Variants in SHTN1 observed in about 807,000 individuals in gnomAD.
SHTN1 encodes shootin-1.
Under a neutral mutation model 83.1 loss-of-function variants are expected in SHTN1, and 42 were observed. That is an observed-to-expected ratio of 0.51 (90% confidence interval 0.39 to 0.65). The LOEUF (loss-of-function observed/expected upper bound fraction) is 0.65, where lower values mean the gene tolerates loss of function less well. SHTN1 is among the 30% of genes least tolerant of loss of function. SHTN1 has a pLI of 0.00. For missense variants in SHTN1, 622 were observed against 737.8 expected (o/e 0.84, Z 1.82); for synonymous variants, 224 against 247.7 (o/e 0.90, Z 0.90).
Position 116,885,122 on chromosome 10 carries a change from A to C in SHTN1, c.*1222T>G, listed in dbSNP as rs1403556452. The C allele has an allele frequency of 6.6e-6, 1 of 152,628 alleles. No individual in the cohort carries two copies. The highest frequency in any genetic ancestry group is 3.2e-3 in the Middle Eastern group (1 of 316). The allele number at this position is 152,628 out of a possible 1,614,324, so 9.5% of individuals were successfully genotyped here. A position where few individuals can be genotyped will look rare whatever the true frequency, so the allele number is the denominator to read the frequency against. On this transcript the variant is annotated 3_prime_UTR_variant, in exon 17 of 17. Transcript: ENST00000355371. ...AGCCTATGCTTACCACACGTGCAAA[A>C]ATACAATACAATACAACTACTGCAA... is the stretch of plus-strand genomic sequence containing the variant.
chr10:117,115,199 G>A (rs910857340), intron 1 of SHTN1, among the ~76,000 whole-genome samples: 2 of 152,146 alleles, frequency 1.3e-5, no homozygotes, highest in Non-Finnish European at 2.9e-5. Flanking sequence ...TCCAGTATGG[G>A]CTCTGAAGTC....
At position 116,965,179 on chromosome 10, in the gene SHTN1, G is replaced by A. The variant is rs566047517; in HGVS notation, c.172+3473C>T. ...AGTATGCTAAGCTAGGGAGAGTAGA[G>A]CCCTATGGCCAAACAAAGCTTTTCC... On this transcript the variant is annotated intron_variant, in intron 3 of 16. Coordinates refer to ENST00000355371, the MANE Select transcript of SHTN1 (RefSeq NM_001127211.3). 1.5e-4 allele frequency among the ~76,000 whole-genome samples: 23 copies of A among 152,250 alleles called. No homozygotes were observed. The East Asian group carries it at 3.3e-3, about 22-fold the overall frequency.
At chr10:117,013,519 C>T (rs746193632) in intron 2 of SHTN1, among the ~76,000 whole-genome samples, 1 of 152,072 alleles carries the variant, frequency 6.6e-6, no homozygotes, top group Non-Finnish European at 1.5e-5. Flanking sequence ...AAAAGATGCT[C>T]AACATTATTT....
intron 9 of SHTN1, among the ~76,000 whole-genome samples, chr10:116,934,004 T>C (rs1486321157): frequency 6.6e-6 from 1 of 152,142 alleles, no homozygotes; most frequent in African/African-American, 2.4e-5. Context: ...TGCCCACTTT[T>C]TGATGAGATT....
chr10:116,883,135 G>T lies in SHTN1; in HGVS notation c.*3209C>A, dbSNP rs1261546601. 1 of 152,112 alleles carries T rather than the reference G, an allele frequency of 6.6e-6. No individual in the cohort carries two copies. Among genetic ancestry groups the T allele is most frequent in the African/African-American group, 2.4e-5 (1 of 41,412 alleles). 9.4% of individuals were successfully genotyped at this position (152,112 alleles called of 1,614,324 possible). A position where few individuals can be genotyped will look rare whatever the true frequency, so the allele number is the denominator to read the frequency against. On this transcript the variant is annotated 3_prime_UTR_variant, in exon 17 of 17. Transcript: ENST00000355371. ...GTGATTTATTACAATAACCAGGTCA[G>T]CAGTGTGACTTCAACACAGAGCAGT... is the stretch of plus-strand genomic sequence containing the variant.
At chr10:116,958,452 A>T (rs1850061577) in intron 4 of SHTN1, among the ~76,000 whole-genome samples, 1 of 152,210 alleles carries the variant, frequency 6.6e-6, no homozygotes, top group African/African-American at 2.4e-5. Context: ...TTAGGTAAGG[A>T]TCCTATTATT....
intron 1 of SHTN1, among the ~76,000 whole-genome samples, chr10:117,081,775 TG>T (rs1224798304): frequency 6.7e-6 from 1 of 149,570 alleles, no homozygotes; most frequent in Non-Finnish European, 1.5e-5. Flanking sequence ...AGAGTGTATG[TG>T]TCAAGGAATT....
At chr10:116,913,984 T>C (rs1848294080) in intron 13 of SHTN1, among the ~76,000 whole-genome samples, 1 of 152,260 alleles carries the variant, frequency 6.6e-6, no homozygotes, top group African/African-American at 2.4e-5. Flanking sequence ...CTTAGAAAAC[T>C]GCTTTCAGAT....
intron 1 of SHTN1, among the ~76,000 whole-genome samples, chr10:117,118,973 T>G (rs140603232): frequency 9.9e-4 from 151 of 152,306 alleles, no homozygotes; most frequent in Middle Eastern, 6.8e-3. Flanking sequence ...ATGTGATATA[T>G]ATACACAATG....
chr10:116,985,887 G>C (rs1268641337), intron 1 of SHTN1, among the ~76,000 whole-genome samples: 1 of 152,188 alleles, frequency 6.6e-6, no homozygotes, highest in East Asian at 1.9e-4. Context: ...AGAGTAGAAA[G>C]AGAAGTCATT....
At chr10:116,986,326 A>G (rs1851217015) in intron 1 of SHTN1, among the ~76,000 whole-genome samples, 1 of 152,214 alleles carries the variant, frequency 6.6e-6, no homozygotes, top group African/African-American at 2.4e-5. Flanking sequence ...CATAAGGCAG[A>G]TAGAAAGGAT....
intron 15 of SHTN1, among the ~76,000 whole-genome samples, chr10:116,905,925 T>G (rs1847951976): frequency 6.6e-6 from 1 of 152,232 alleles, no homozygotes; most frequent in Non-Finnish European, 1.5e-5. Context: ...ACAGACCTAA[T>G]GTCACACAAA....
At chr10:116,993,548 G>GA (rs1350966877) in intron 1 of SHTN1, among the ~76,000 whole-genome samples, 35 of 150,610 alleles carry the variant, frequency 2.3e-4, no homozygotes, top group African/African-American at 4.9e-4. Context: ...TGAGTTACAA[G>GA]AAAAAAAAAT....
intron 2 of SHTN1, among the ~76,000 whole-genome samples, chr10:117,024,348 C>CTTTTTTT (rs1174576153): frequency 2.6e-4 from 20 of 77,706 alleles, no homozygotes; most frequent in East Asian, 7.9e-4. Flanking sequence ...CAAAACTTTT[C>CTTTTTTT]TTTTTTTTTT....
chr10:117,006,561 G>C (rs1852015799), upstream of SHTN1, among the ~76,000 whole-genome samples: 1 of 93,274 alleles, frequency 1.1e-5, no homozygotes. Flanking sequence ...GTGAGACTCC[G>C]TCTCAAAAAA....
intron 16 of SHTN1, among the ~76,000 whole-genome samples, chr10:116,899,629 A>G (rs551242575): frequency 6.6e-6 from 1 of 152,100 alleles, no homozygotes; most frequent in African/African-American, 2.4e-5. Flanking sequence ...CTTGACCTTG[A>G]TTCAGGTCAA....
chr10:116,991,869 C>T (rs1851448355), intron 1 of SHTN1, among the ~76,000 whole-genome samples: 1 of 152,162 alleles, frequency 6.6e-6, no homozygotes, highest in Non-Finnish European at 1.5e-5. Flanking sequence ...AGGCCGGGCA[C>T]TATGGCTCAC....
chr10:116,900,710 G>A (rs898014275), intron 16 of SHTN1: 77 of 983,800 alleles, frequency 7.8e-5, no homozygotes, highest in Non-Finnish European at 8.8e-5. Context: ...GATGGAGAAT[G>A]AATATAGATC....
chr10:116,990,569 C>T (rs1418812141), intron 1 of SHTN1, among the ~76,000 whole-genome samples: 1 of 152,110 alleles, frequency 6.6e-6, no homozygotes, highest in Non-Finnish European at 1.5e-5. Context: ...AGGGTCTTTA[C>T]TTTCTTAGGC....
Sources: gnomAD v4.1 joint callset for allele counts (sites outside exome capture counted in the v4.1 genomes callset) on GRCh38, gnomAD v4.1.1 for gene constraint, MANE v1.5 for transcripts, NCBI Gene and HGNC (gene_info 2026-07-23, HGNC 2026-07-21) for gene names.